TMEM87B: variants seen among roughly 807,000 people sequenced by gnomAD.
The protein encoded by TMEM87B is transmembrane protein 87B.
Under a neutral mutation model 80.3 loss-of-function variants are expected in TMEM87B, and 83 were observed. The observed-to-expected ratio is 1.03, with a 90% CI of 0.87 to 1.24. TMEM87B has a LOEUF of 1.24. Ranked by LOEUF, TMEM87B falls within the 50% of genes most tolerant of loss-of-function variation. The pLI is 0.00. For synonymous variants in TMEM87B, 219 were observed against 230.5 expected, an observed-to-expected ratio of 0.95 and a Z score of 0.45; for missense variants, 625 against 674.4, an observed-to-expected ratio of 0.93 and a Z score of 0.81.
At chr2:112,088,398 A>C (rs1573709694) in intron 9 of TMEM87B, among the ~76,000 whole-genome samples, 2 of 152,320 alleles carry the variant, frequency 1.3e-5, no homozygotes, top group South Asian at 4.1e-4. Context: ...CAACTCATAA[A>C]GTGAGAGCAG....
chr2:112,089,604 G>A, intron 9 of TMEM87B, 21 bp from the exon 10 acceptor site: 1 of 1,612,554 alleles, frequency 6.2e-7, no homozygotes, highest in Non-Finnish European at 8.5e-7. Flanking sequence ...TTCTTTCTCT[G>A]TTTCCTCTTC....
At chr2:112,057,190 T>C (rs2104449674) in intron 1 of TMEM87B, among the ~76,000 whole-genome samples, 1 of 152,332 alleles carries the variant, frequency 6.6e-6, no homozygotes, top group South Asian at 2.1e-4. Context: ...ACTTATATTT[T>C]CCACATTTCA....
At chr2:112,101,931 A>G (rs745921341) in intron 15 of TMEM87B, among the ~76,000 whole-genome samples, 2 of 152,228 alleles carry the variant, frequency 1.3e-5, no homozygotes, top group East Asian at 1.9e-4. Context: ...AAAAATACAT[A>G]TAACAACCCA....
intron 4 of TMEM87B, among the ~76,000 whole-genome samples, chr2:112,069,124 G>A (rs1200861875): frequency 6.7e-6 from 1 of 150,136 alleles, no homozygotes; most frequent in Non-Finnish European, 1.5e-5. Flanking sequence ...CCCGGGAAGC[G>A]GAGCTTGCAG....
At position 112,107,811 on chromosome 2, in the gene TMEM87B, A is replaced by G; in HGVS notation, c.1548A>G (p.Glu516=). The G allele has an allele frequency of 6.3e-7, 1 of 1,582,860 alleles. No individual in the cohort carries two copies. The highest frequency in any genetic ancestry group is 1.3e-5 in the African/African-American group (1 of 74,462). ...AGGATGAAGATTTGAAGTGGGTAGA[A>G]GAAAATATTCCCTCTTCATTCACAG... ...ENFDEDLKWV[E]ENIPSSFTDV... The change falls in exon 17 of 19, where the codon GAA becomes GAG. Residue 516 remains glutamate, a synonymous_variant. Transcript: ENST00000283206.
At chr2:112,096,947 T>C (rs1679485843) in intron 11 of TMEM87B, 97 bp from the exon 12 acceptor site, 1 of 798,750 alleles carries the variant, frequency 1.3e-6, no homozygotes, top group Non-Finnish European at 2.1e-6. Flanking sequence ...AGGAACTGTA[T>C]TTAGCAGTAC....
At chr2:112,059,580 T>C (rs563772996) in intron 1 of TMEM87B, among the ~76,000 whole-genome samples, 46 of 152,326 alleles carry the variant, frequency 3.0e-4, no homozygotes, top group Non-Finnish European at 5.6e-4. Flanking sequence ...TGTAATTGCA[T>C]TGGTAAACCA....
intron 6 of TMEM87B, among the ~76,000 whole-genome samples, chr2:112,077,873 T>TATTCTAGAAAAAAGTG (rs1465121483): frequency 1.3e-5 from 2 of 152,224 alleles, no homozygotes; most frequent in Non-Finnish European, 2.9e-5. Flanking sequence ...TGCTTTCCCA[T>TATTCTAGAAAAAAGTG]ATTCTAGAAT....
At chr2:112,081,627 A>G in intron 8 of TMEM87B, 109 bp downstream of exon 8, 1 of 965,150 alleles carries the variant, frequency 1.0e-6, no homozygotes, top group Non-Finnish European at 1.5e-6. Flanking sequence ...AAACAGATAT[A>G]TTATAGATGA....
At chr2:112,104,785 A>G (rs1190309233) in intron 15 of TMEM87B, among the ~76,000 whole-genome samples, 1 of 152,238 alleles carries the variant, frequency 6.6e-6, no homozygotes, top group Non-Finnish European at 1.5e-5. Context: ...CTTTATTCTT[A>G]ATAGTCCAAA....
chr2:112,108,078 T>C (rs575566823), intron 17 of TMEM87B, among the ~76,000 whole-genome samples: 1 of 152,366 alleles, frequency 6.6e-6, no homozygotes, highest in East Asian at 1.9e-4. Context: ...TCTAGCTTTT[T>C]CTGATCTGCC....
At chr2:112,090,239 G>A (rs1462688965) in intron 10 of TMEM87B, among the ~76,000 whole-genome samples, 1 of 152,234 alleles carries the variant, frequency 6.6e-6, no homozygotes, top group Non-Finnish European at 1.5e-5. Context: ...TCAAGGGGAA[G>A]ATGACTCTGG....
In TMEM87B at chr2:112,097,251, G is replaced by A. The variant is rs146764626; in HGVS notation, c.1232G>A (p.Gly411Glu). The change falls in exon 13 of 19, where the codon GGG becomes GAG. Residue 411 changes from glycine to glutamate, a missense_variant. By Grantham distance (98) the Gly-to-Glu change is moderately conservative (BLOSUM62 -2). Coordinates refer to ENST00000283206, the MANE Select transcript of TMEM87B (RefSeq NM_032824.3). ...FAVLASIVFM[G>E]WTTKTFRIAK... ...GTTTCAGCTTCTATAGTGTTTATGG[G>A]GTGGACAACTAAGACATTTAGAATT... The A allele has an allele frequency of 3.1e-6, 5 of 1,609,322 alleles. No individual in the cohort carries two copies. Among genetic ancestry groups the A allele is most frequent in the African/African-American group, 1.3e-5 (1 of 74,496 alleles).
chr2:112,055,704 C>T lies in TMEM87B; in HGVS notation c.113C>T (p.Ala38Val). The change falls in exon 1 of 19, where the codon GCG (alanine) becomes GTG (valine). Residue 38 changes from alanine to valine, a missense_variant. Ala to Val is a moderately conservative substitution (Grantham distance 64). Coordinates refer to ENST00000283206, the MANE Select transcript of TMEM87B (RefSeq NM_032824.3). Reference protein sequence around the residue: ...VALCLLCWTPAAVRAVPELGL... With the variant: ...VALCLLCWTPVAVRAVPELGL... ...CTCTGCCTCCTGTGCTGGACCCCGG[C>T]GGCTGTGCGCGCGGTCCCTGAGCTC... The T allele has an allele frequency of 1.9e-6, 3 of 1,545,098 alleles. No individual in the cohort carries two copies. The highest frequency in any genetic ancestry group is 1.2e-5 in the South Asian group (1 of 81,922).
chr2:112,096,574 G>A (rs1355628668), intron 11 of TMEM87B, among the ~76,000 whole-genome samples: 1 of 152,162 alleles, frequency 6.6e-6, no homozygotes, highest in Non-Finnish European at 1.5e-5. Flanking sequence ...TTTATAAAAT[G>A]GAATTGGTAG....
At chr2:112,087,735 A>C (rs903735448) in intron 9 of TMEM87B, among the ~76,000 whole-genome samples, 11 of 151,384 alleles carry the variant, frequency 7.3e-5, no homozygotes, top group African/African-American at 2.2e-4. Context: ...CCTCTCCTCC[A>C]CTTCTGCCTC....
chr2:112,079,441 A>G (rs1184462967), intron 6 of TMEM87B, among the ~76,000 whole-genome samples: 2 of 152,118 alleles, frequency 1.3e-5, no homozygotes, highest in Non-Finnish European at 2.9e-5. Flanking sequence ...AAATGACAGA[A>G]TTTTCTTCTT....
At chr2:112,060,123 G>A in intron 2 of TMEM87B, 86 bp downstream of exon 2, 1 of 1,345,356 alleles carries the variant, frequency 7.4e-7, no homozygotes, top group Non-Finnish European at 9.7e-7. Context: ...CGAGGCAGGT[G>A]GATCACAAGG....
intron 4 of TMEM87B, among the ~76,000 whole-genome samples, chr2:112,071,297 T>TCC (rs1226766125): frequency 3.3e-5 from 4 of 122,224 alleles, no homozygotes; most frequent in East Asian, 2.6e-4. Flanking sequence ...TGCTAGTGAT[T>TCC]CCCCCCCCGC....
Sources: gnomAD v4.1 joint callset for allele counts (sites outside exome capture counted in the v4.1 genomes callset) on GRCh38, gnomAD v4.1.1 for gene constraint, MANE v1.5 for transcripts, NCBI Gene and HGNC (gene_info 2026-07-23, HGNC 2026-07-21) for gene names.